COL8A1: variants seen among roughly 807,000 people sequenced by gnomAD.
The protein encoded by COL8A1 is collagen alpha-1(VIII) chain.
COL8A1 carries 21 observed loss-of-function variants against 42.7 expected under a neutral mutation model. The ratio of observed to expected loss-of-function variants is 0.49; its 90% CI spans 0.35 to 0.71. COL8A1 has a LOEUF of 0.71. Among genes scored for constraint, COL8A1 ranks in the 30% least tolerant of loss-of-function variants. The probability of loss-of-function intolerance (pLI) is 0.01; values close to 1 mark genes in which losing one functional copy is unlikely to be tolerated. For missense variants in COL8A1, 788 were observed against 962.4 expected, an observed-to-expected ratio of 0.82 and a Z score of 2.40; for synonymous variants, 367 against 369.1, an observed-to-expected ratio of 0.99 and a Z score of 0.06.
intron 1 of COL8A1, among the ~76,000 whole-genome samples, chr3:99,684,274 C>G (rs543220235): frequency 6.6e-6 from 1 of 152,272 alleles, no homozygotes; most frequent in Admixed American, 6.5e-5. Context: ...TATATATTCT[C>G]TATATCCCTA....
chr3:99,674,513 T>A (rs957135282), intron 1 of COL8A1, among the ~76,000 whole-genome samples: 2 of 151,816 alleles, frequency 1.3e-5, no homozygotes, highest in African/African-American at 2.4e-5. Context: ...GGCTCACACA[T>A]GAAAAGTCTT....
chr3:99,668,389 G>A (rs1314212510), intron 1 of COL8A1, among the ~76,000 whole-genome samples: 3 of 151,894 alleles, frequency 2.0e-5, no homozygotes, highest in Non-Finnish European at 4.4e-5. Context: ...TCCCCCTTGG[G>A]GATTTCTTTT....
chr3:99,654,235 T>A (rs762652975), intron 1 of COL8A1, among the ~76,000 whole-genome samples: 2 of 152,186 alleles, frequency 1.3e-5, no homozygotes, highest in Admixed American at 6.5e-5. Flanking sequence ...GATTAGATGG[T>A]GCCCACCCAG....
chr3:99,755,225 A>G (rs1576464301), intron 2 of COL8A1, among the ~76,000 whole-genome samples: 1 of 152,328 alleles, frequency 6.6e-6, no homozygotes, highest in African/African-American at 2.4e-5. Context: ...CATATATCCT[A>G]GTTATTAGGC....
At chr3:99,731,671 C>T (rs1489268496) in intron 1 of COL8A1, among the ~76,000 whole-genome samples, 3 of 152,194 alleles carry the variant, frequency 2.0e-5, no homozygotes, top group African/African-American at 7.2e-5. Flanking sequence ...ATTGCAACCA[C>T]TGAAGGGATG....
chr3:99,713,514 C>A (rs1576443699), intron 1 of COL8A1, among the ~76,000 whole-genome samples: 2 of 152,100 alleles, frequency 1.3e-5, no homozygotes, highest in African/African-American at 4.8e-5. Flanking sequence ...AATCCACGAG[C>A]TTCTATGGAA....
At chr3:99,778,627 A>G (rs926192906) in intron 2 of COL8A1, among the ~76,000 whole-genome samples, 1 of 151,278 alleles carries the variant, frequency 6.6e-6, no homozygotes, top group African/African-American at 2.4e-5. Flanking sequence ...AAAAAAAAAA[A>G]GGCACTCTTT....
intron 2 of COL8A1, among the ~76,000 whole-genome samples, chr3:99,752,580 G>A (rs958217084): frequency 2.0e-5 from 3 of 151,796 alleles, no homozygotes; most frequent in Non-Finnish European, 2.9e-5. Context: ...TCTTACCTGC[G>A]TTACCTAATC....
intron 1 of COL8A1, among the ~76,000 whole-genome samples, chr3:99,733,269 G>C (rs1940580842): frequency 6.7e-6 from 1 of 150,218 alleles, no homozygotes; most frequent in Admixed American, 6.6e-5. Flanking sequence ...TCTAGCATTA[G>C]GTATATCTCC....
intron 1 of COL8A1, among the ~76,000 whole-genome samples, chr3:99,701,501 T>A (rs1161109013): frequency 6.6e-6 from 1 of 152,198 alleles, no homozygotes; most frequent in East Asian, 1.9e-4. Flanking sequence ...CCTGCAGGGA[T>A]CTGCATTCTC....
chr3:99,751,329 G>A (rs72932381), intron 2 of COL8A1, among the ~76,000 whole-genome samples: 8,077 of 152,168 alleles, frequency 0.053, 678 homozygotes, highest in African/African-American at 0.18. Flanking sequence ...AGGCCAAAGC[G>A]GGCAGATCAC....
chr3:99,759,142 AT>A (rs1449637654), intron 2 of COL8A1, among the ~76,000 whole-genome samples: 1 of 148,776 alleles, frequency 6.7e-6, no homozygotes, highest in Non-Finnish European at 1.5e-5. Flanking sequence ...TCTATCTAAA[AT>A]TATTTTGTTT....
intron 2 of COL8A1, among the ~76,000 whole-genome samples, chr3:99,772,886 G>T (rs1380944829): frequency 6.6e-6 from 1 of 152,170 alleles, no homozygotes; most frequent in Admixed American, 6.5e-5. Flanking sequence ...ATGAGGCATT[G>T]ATGCCATGTA....
At chr3:99,718,299 T>A (rs1940057932) in intron 1 of COL8A1, among the ~76,000 whole-genome samples, 1 of 152,014 alleles carries the variant, frequency 6.6e-6, no homozygotes, top group African/African-American at 2.4e-5. Context: ...CAAATTGTTG[T>A]GGAGCAGAAC....
intron 2 of COL8A1, among the ~76,000 whole-genome samples, chr3:99,754,803 C>A (rs1300790616): frequency 6.6e-6 from 1 of 152,130 alleles, no homozygotes; most frequent in Non-Finnish European, 1.5e-5. Context: ...AGCTCCTTAT[C>A]TAAAACATCT....
chr3:99,738,651 T>A (rs1158021554), intron 1 of COL8A1, among the ~76,000 whole-genome samples: 1 of 152,216 alleles, frequency 6.6e-6, no homozygotes, highest in Non-Finnish European at 1.5e-5. Context: ...GACATTTAAG[T>A]CTGCAGGAGT....
At chr3:99,750,232 T>A (rs1325324198) in intron 2 of COL8A1, among the ~76,000 whole-genome samples, 1 of 151,868 alleles carries the variant, frequency 6.6e-6, no homozygotes, top group Non-Finnish European at 1.5e-5. Context: ...AATTTTTGTA[T>A]TTTTAGTAGA....
At chr3:99,768,038 T>C (rs1295292555) in intron 2 of COL8A1, among the ~76,000 whole-genome samples, 1 of 152,194 alleles carries the variant, frequency 6.6e-6, no homozygotes, top group Non-Finnish European at 1.5e-5. Flanking sequence ...GGTACATAAC[T>C]AATCCCATTT....
intron 1 of COL8A1, among the ~76,000 whole-genome samples, chr3:99,668,762 T>C (rs1172782364): frequency 1.3e-5 from 2 of 152,046 alleles, no homozygotes; most frequent in South Asian, 2.1e-4. Flanking sequence ...ATTTAATAAG[T>C]AGCTGTATAG....
Sources: allele counts gnomAD v4.1 joint callset (sites outside exome capture counted in the v4.1 genomes callset), GRCh38; gene constraint gnomAD v4.1.1; transcripts MANE v1.5; gene names NCBI Gene and HGNC (gene_info 2026-07-23, HGNC 2026-07-21).